The following CWC27 variants were observed in gnomAD, a reference collection of about 807,000 sequenced individuals.
CWC27 encodes spliceosome-associated protein CWC27 homolog.
Under a neutral mutation model 63.6 loss-of-function variants are expected in CWC27, and 47 were observed. The observed-to-expected ratio is 0.74, with a 90% CI of 0.58 to 0.94. The LOEUF (loss-of-function observed/expected upper bound fraction) is 0.94. Ranked by LOEUF, CWC27 falls within the 40% of genes least tolerant of loss-of-function variation. The pLI, the probability that CWC27 is intolerant of heterozygous loss-of-function variation, is 0.00. For synonymous variants in CWC27, 175 were observed against 179.8 expected, an observed-to-expected ratio of 0.97 and a Z score of 0.22; for missense variants, 495 against 554.3, an observed-to-expected ratio of 0.89 and a Z score of 1.07.
chr5:64,976,717 A>G (rs1008587500), intron 12 of CWC27, among the ~76,000 whole-genome samples: 2 of 151,876 alleles, frequency 1.3e-5, no homozygotes, highest in African/African-American at 4.8e-5. Flanking sequence ...TTCTTTTTGT[A>G]GTGATAGAGT....
chr5:64,946,629 T>C lies in CWC27; in HGVS notation c.1043-25074T>C, dbSNP rs567673285. ...GGCAGATGAGTTATTCATCTGGGCC[T>C]TAAGAATGAATACATCTATGTTGAG... On this transcript the variant is annotated intron_variant, in intron 11 of 13. Coordinates refer to ENST00000381070, the MANE Select transcript of CWC27 (RefSeq NM_005869.4). 8.4e-4 allele frequency among the ~76,000 whole-genome samples: 127 copies of C among 151,916 alleles called. 1 individual carries two copies. Among genetic ancestry groups the C allele is most frequent in the African/African-American group, 2.8e-3 (115 of 41,244 alleles).
intron 13 of CWC27, among the ~76,000 whole-genome samples, chr5:65,003,866 A>G (rs1181111999): frequency 6.9e-6 from 1 of 144,808 alleles, no homozygotes; most frequent in Admixed American, 6.9e-5. Context: ...TTTTTTGGAG[A>G]CAGAATCTCA....
chr5:64,839,339 A>G (rs1003670186), intron 10 of CWC27, among the ~76,000 whole-genome samples: 7 of 152,214 alleles, frequency 4.6e-5, no homozygotes, highest in Admixed American at 1.3e-4. Flanking sequence ...TTGAAAGGCT[A>G]TAGTATACAG....
At chr5:64,800,161 T>C (rs1744437768) in intron 7 of CWC27, 87 bp from the exon 8 acceptor site, 2 of 883,034 alleles carry the variant, frequency 2.3e-6, no homozygotes, top group African/African-American at 3.4e-5. Context: ...ATTATATCAT[T>C]GCTAGGTTTT....
chr5:65,003,423 AGTT>A (rs1298456254), intron 13 of CWC27, among the ~76,000 whole-genome samples: 1 of 150,564 alleles, frequency 6.6e-6, no homozygotes, highest in Non-Finnish European at 1.5e-5. Context: ...TTTTTGTTGC[AGTT>A]TTATGATCTT....
Position 64,881,309 on chromosome 5 carries a change from T to C in CWC27, c.939-4134T>C, listed in dbSNP as rs550007216. The stretch of plus-strand genomic sequence containing the variant: ...AGTTTTTATTCATCATTGCTCAGTT[T>C]GTATATGATATGACTACATTAATAT... On this transcript the variant is annotated intron_variant, in intron 10 of 13. Coordinates refer to ENST00000381070, the MANE Select transcript of CWC27 (RefSeq NM_005869.4). 2.0e-5 allele frequency among the ~76,000 whole-genome samples: 3 copies of C among 152,244 alleles called. No homozygotes were observed. In the South Asian group the frequency reaches 6.2e-4, roughly 32 times the overall value.
At chr5:64,872,777 A>G (rs922481041) in intron 10 of CWC27, among the ~76,000 whole-genome samples, 3 of 152,148 alleles carry the variant, frequency 2.0e-5, no homozygotes, top group African/African-American at 7.2e-5. Context: ...GATCGACATC[A>G]TTCTATCTGA....
At chr5:64,801,245 A>C (rs1236805888) in intron 8 of CWC27, 57 bp from the exon 9 acceptor site, 1 of 1,350,312 alleles carries the variant, frequency 7.4e-7, no homozygotes, top group Non-Finnish European at 1.0e-6. Context: ...GGGTTACAAA[A>C]TAATTGTGTT....
intron 7 of CWC27, among the ~76,000 whole-genome samples, chr5:64,793,513 T>C (rs1744149632): frequency 6.6e-6 from 1 of 152,134 alleles, no homozygotes; most frequent in Non-Finnish European, 1.5e-5. Flanking sequence ...TTTTTTACAC[T>C]ACCAGCACTG....
chr5:64,801,585 T>C (rs74429045), intron 9 of CWC27, among the ~76,000 whole-genome samples: 4,523 of 152,174 alleles, frequency 0.03, 86 homozygotes, highest in Non-Finnish European at 0.049. Flanking sequence ...CTAGTCTGTT[T>C]TTTTCTCCCC....
intron 11 of CWC27, among the ~76,000 whole-genome samples, chr5:64,960,583 G>A (rs1459424224): frequency 2.0e-5 from 3 of 151,622 alleles, no homozygotes; most frequent in Non-Finnish European, 4.4e-5. Context: ...AAAGTATGAG[G>A]TACAACTAGA....
intron 10 of CWC27, among the ~76,000 whole-genome samples, chr5:64,839,034 A>G (rs1177486507): frequency 6.6e-6 from 1 of 152,240 alleles, no homozygotes; most frequent in Non-Finnish European, 1.5e-5. Flanking sequence ...CTTTCAAAAA[A>G]CAATGGAAGG....
chr5:64,783,837 A>G lies in CWC27; in HGVS notation c.254A>G (p.Asp85Gly). ...TCACTAAATCTTTTTACATTTCAGG[A>G]TGAATTTCATTCACGGTTGCGTTTT... ...GESIYGAPFK[D>G]EFHSRLRFNR... Residue 85 changes from aspartate (D) to glycine (G), a missense_variant and splice_region_variant, in exon 4 of 14, where the codon GAT (aspartate) becomes GGT (glycine). By Grantham distance (94) the Asp-to-Gly change is moderately conservative. Transcript: ENST00000381070. 6.4e-7 allele frequency: 1 copy of G among 1,568,418 alleles called. No homozygotes were observed. The highest frequency in any genetic ancestry group is 8.6e-7 in the Non-Finnish European group (1 of 1,160,110).
intron 13 of CWC27, among the ~76,000 whole-genome samples, chr5:64,995,861 A>T (rs1311666501): frequency 6.6e-6 from 1 of 152,162 alleles, no homozygotes; most frequent in Non-Finnish European, 1.5e-5. Context: ...ATTTTCTTTT[A>T]GTTACCACAC....
chr5:65,009,333 G>A (rs1749904401), intron 13 of CWC27, among the ~76,000 whole-genome samples: 1 of 151,920 alleles, frequency 6.6e-6, no homozygotes, highest in South Asian at 2.1e-4. Context: ...TCCAACACTG[G>A]GTATCAAACT....
At chr5:64,841,401 C>T (rs1324179757) in intron 10 of CWC27, among the ~76,000 whole-genome samples, 3 of 152,212 alleles carry the variant, frequency 2.0e-5, no homozygotes, top group African/African-American at 7.2e-5. Flanking sequence ...TTAATACCAT[C>T]ACAATGGCAC....
intron 11 of CWC27, among the ~76,000 whole-genome samples, chr5:64,887,363 A>G (rs1747099658): frequency 6.6e-6 from 1 of 151,918 alleles, no homozygotes; most frequent in Non-Finnish European, 1.5e-5. Flanking sequence ...GCTTTTATTT[A>G]TTTATTTATT....
At chr5:64,982,714 T>C (rs1462912649) in intron 13 of CWC27, among the ~76,000 whole-genome samples, 2 of 152,164 alleles carry the variant, frequency 1.3e-5, no homozygotes, top group African/African-American at 4.8e-5. Flanking sequence ...CCAAGTTAGC[T>C]AAATGAACTT....
rs1246496835 is a variant in CWC27, at chr5:64,769,124, C to T, written c.-23C>T. ...GGCCGCTCTCATCCCCCGTAAGGAG[C>T]AGAGTCCTTTGTACTGACCAAGATG... is the stretch of plus-strand genomic sequence containing the variant. On this transcript the variant is annotated 5_prime_UTR_variant, in exon 1 of 14. Transcript: ENST00000381070. 6.2e-7 allele frequency: 1 copy of T among 1,612,490 alleles called. No homozygotes were observed. Among genetic ancestry groups the T allele is most frequent in the South Asian group, 1.1e-5 (1 of 91,040 alleles).
Sources: gnomAD v4.1 joint callset for allele counts (sites outside exome capture counted in the v4.1 genomes callset) on GRCh38, gnomAD v4.1.1 for gene constraint, MANE v1.5 for transcripts, NCBI Gene and HGNC (gene_info 2026-07-23, HGNC 2026-07-21) for gene names.